CFAP47: variants seen among roughly 807,000 people sequenced by gnomAD.
The protein encoded by CFAP47 is cilia and flagella associated protein 47.
CFAP47 carries 29 observed loss-of-function variants against 148.1 expected under a neutral mutation model. That is an observed-to-expected ratio of 0.20 (90% confidence interval 0.15 to 0.27). CFAP47 has a LOEUF of 0.27. Ranked by LOEUF, CFAP47 falls within the 10% of genes least tolerant of loss-of-function variation. The probability of loss-of-function intolerance (pLI) is 1.00; values close to 1 mark genes in which losing one functional copy is unlikely to be tolerated. For missense variants in CFAP47, 1,872 were observed against 1,697.5 expected (o/e 1.10, Z -1.81); for synonymous variants, 664 against 577.3 (o/e 1.15, Z -2.15).
chrX:36,061,670 G>A (rs970215687), intron 26 of CFAP47, among the ~76,000 whole-genome samples: 1 of 112,319 alleles, frequency 8.9e-6, no homozygotes, highest in Non-Finnish European at 1.9e-5. Flanking sequence ...TTGTAAATAG[G>A]TATGGATAAA....
intron 2 of CFAP47, among the ~76,000 whole-genome samples, chrX:35,940,115 G>A (rs1383198252): frequency 9.0e-6 from 1 of 110,742 alleles, no homozygotes; most frequent in Non-Finnish European, 1.9e-5. Context: ...GTCTGTTCAT[G>A]TCCTTCACCC....
rs1248419709 is a variant in CFAP47, at chrX:36,280,534, C to T, written c.7492C>T (p.His2498Tyr). 3.9e-6 allele frequency: 2 copies of T among 507,133 alleles called. No homozygotes were observed. Among genetic ancestry groups the T allele is most frequent in the Admixed American group, 5.4e-5 (2 of 36,957 alleles). The allele number at this position is 507,133 out of a possible 1,213,427, so 41.8% of individuals were successfully genotyped here. A position where few individuals can be genotyped will look rare whatever the true frequency, so the allele number is the denominator to read the frequency against. Residue 2498 changes from histidine (H) to tyrosine (Y), a missense_variant, in exon 50 of 64, where the codon CAT (histidine) becomes TAT (tyrosine). Coordinates refer to ENST00000378653, the MANE Select transcript of CFAP47 (RefSeq NM_001304548.2). ...TTRRCTTRRK[H>Y]DDYEEDTDQD... Reference sequence around the variant, plus strand: ...AAGAAGATGTACTACAAGAAGGAAACATGATGATTATGAGGAAGACACAGA... The same window carrying T: ...AAGAAGATGTACTACAAGAAGGAAATATGATGATTATGAGGAAGACACAGA...
At chrX:36,118,516 C>A (rs1272583755) in intron 33 of CFAP47, among the ~76,000 whole-genome samples, 1 of 110,883 alleles carries the variant, frequency 9.0e-6, no homozygotes, top group Non-Finnish European at 1.9e-5. Context: ...GTCACCCAGG[C>A]TGGAATGCCG....
intron 62 of CFAP47, among the ~76,000 whole-genome samples, chrX:36,377,531 G>A (rs1942035622): frequency 8.9e-6 from 1 of 111,740 alleles, no homozygotes; most frequent in African/African-American, 3.3e-5. Context: ...TTAGCCCTTT[G>A]TCAGATGGGT....
intron 33 of CFAP47, among the ~76,000 whole-genome samples, chrX:36,111,012 TA>T (rs768956434): frequency 8.9e-6 from 1 of 111,906 alleles, no homozygotes; most frequent in South Asian, 3.7e-4. Context: ...GGGTTGAGAC[TA>T]AGGAGTTTTT....
At chrX:36,362,787 T>C (rs1335580076) in intron 61 of CFAP47, among the ~76,000 whole-genome samples, 1 of 111,976 alleles carries the variant, frequency 8.9e-6, no homozygotes. Context: ...TGTAGTTTGA[T>C]AACGAAAAGA....
intron 15 of CFAP47, among the ~76,000 whole-genome samples, chrX:35,988,064 C>T (rs1456248541): frequency 9.0e-6 from 1 of 111,636 alleles, no homozygotes; most frequent in Non-Finnish European, 1.9e-5. Context: ...GCCATCTTGC[C>T]TGGGAATTCA....
chrX:36,085,572 A>C (rs1474083432), intron 30 of CFAP47, 34 bp downstream of exon 30: 1 of 937,197 alleles, frequency 1.1e-6, no homozygotes, highest in South Asian at 2.1e-5. Context: ...TAAGCATATA[A>C]CTCTGGCTTG....
chrX:36,364,531 G>C (rs1210794064), intron 61 of CFAP47, among the ~76,000 whole-genome samples: 1 of 109,696 alleles, frequency 9.1e-6, no homozygotes, highest in African/African-American at 3.3e-5. Context: ...GGATAGTTAG[G>C]CTTCCATGAA....
At chrX:36,328,110 TA>T (rs1941532801) in intron 57 of CFAP47, among the ~76,000 whole-genome samples, 1 of 112,089 alleles carries the variant, frequency 8.9e-6, no homozygotes, top group African/African-American at 3.2e-5. Context: ...AAGGTGAAAT[TA>T]TTTTTTAAAA....
At chrX:36,339,697 T>A (rs1556015436) in intron 57 of CFAP47, among the ~76,000 whole-genome samples, 1 of 111,969 alleles carries the variant, frequency 8.9e-6, no homozygotes, top group East Asian at 2.8e-4. Flanking sequence ...GATAATGGAT[T>A]ATTCACTCAT....
At chrX:36,237,515 A>C (rs781887757) in intron 48 of CFAP47, among the ~76,000 whole-genome samples, 2 of 111,076 alleles carry the variant, frequency 1.8e-5, no homozygotes, top group South Asian at 7.6e-4. Context: ...TTTTTTGTAG[A>C]GATGGGGTTT....
chrX:36,219,306 GTC>G (rs1176209123), intron 45 of CFAP47, among the ~76,000 whole-genome samples: 2 of 111,544 alleles, frequency 1.8e-5, no homozygotes, highest in African/African-American at 6.5e-5. Context: ...GACAAAAAGA[GTC>G]TGTTTCATCA....
chrX:36,123,965 G>A (rs1490166218), intron 33 of CFAP47, among the ~76,000 whole-genome samples: 1 of 111,460 alleles, frequency 9.0e-6, no homozygotes, highest in African/African-American at 3.3e-5. Context: ...TATCACTGCT[G>A]GTTATTCAGG....
At chrX:35,975,020 G>GC (rs1344376991) in intron 13 of CFAP47, 127 bp from the exon 14 acceptor site, 1 of 397,829 alleles carries the variant, frequency 2.5e-6, no homozygotes, top group African/African-American at 2.6e-5. Flanking sequence ...TGCTATTATT[G>GC]TAAATATTTT....
intron 40 of CFAP47, among the ~76,000 whole-genome samples, chrX:36,184,845 A>G (rs1453074207): frequency 9.1e-6 from 1 of 110,221 alleles, no homozygotes; most frequent in East Asian, 2.9e-4. Context: ...AGGCAGGAGA[A>G]TCACTTGGAC....
At chrX:36,379,884 G>A (rs1556023791) in intron 63 of CFAP47, 1 of 117,423 alleles carries the variant, frequency 8.5e-6, no homozygotes, top group Non-Finnish European at 1.7e-5. Flanking sequence ...TTGAGATAGG[G>A]ATTTTGGAGC....
intron 62 of CFAP47, chrX:36,375,242 G>A (rs782259642): frequency 9.5e-6 from 2 of 210,941 alleles, no homozygotes; most frequent in South Asian, 1.3e-4. Flanking sequence ...ACGCAGTTAT[G>A]GGAACAAGAT....
intron 49 of CFAP47, among the ~76,000 whole-genome samples, chrX:36,260,930 C>T (rs979090202): frequency 9.0e-6 from 1 of 110,999 alleles, no homozygotes; most frequent in South Asian, 3.7e-4. Flanking sequence ...TATGGCTAGA[C>T]AATTACCCCA....
Sources: allele counts gnomAD v4.1 joint callset (sites outside exome capture counted in the v4.1 genomes callset), GRCh38; gene constraint gnomAD v4.1.1; transcripts MANE v1.5; gene names NCBI Gene and HGNC (gene_info 2026-07-23, HGNC 2026-07-21).